The following SPOCK1 variants were observed in gnomAD, a reference collection of about 807,000 sequenced individuals.
SPOCK1 encodes the protein testican-1.
SPOCK1 carries 23 observed loss-of-function variants against 55.3 expected under a neutral mutation model. The observed-to-expected ratio is 0.42, with a 90% confidence interval of 0.30 to 0.59. The LOEUF (loss-of-function observed/expected upper bound fraction) is 0.59, where lower values mean the gene tolerates loss of function less well. Among genes scored for constraint, SPOCK1 ranks in the 20% least tolerant of loss-of-function variants. The pLI, the probability that SPOCK1 is intolerant of heterozygous loss-of-function variation, is 0.22. For missense variants in SPOCK1, 499 were observed against 552.5 expected (o/e 0.90, Z 0.97); for synonymous variants, 226 against 221.0 (o/e 1.02, Z -0.20).
At chr5:137,148,283 G>GCAAGA (rs1439462376) in intron 3 of SPOCK1, among the ~76,000 whole-genome samples, 1 of 152,188 alleles carries the variant, frequency 6.6e-6, no homozygotes, top group Non-Finnish European at 1.5e-5. Context: ...CACATGCAAA[G>GCAAGA]CAAGACATTA....
At chr5:137,416,204 C>G (rs1328088554) in intron 2 of SPOCK1, among the ~76,000 whole-genome samples, 2 of 151,452 alleles carry the variant, frequency 1.3e-5, no homozygotes, top group African/African-American at 4.9e-5. Context: ...AATTCTATAC[C>G]AAGCAAAAAT....
chr5:137,036,038 G>T (rs1751878531), intron 6 of SPOCK1, among the ~76,000 whole-genome samples: 1 of 152,198 alleles, frequency 6.6e-6, no homozygotes, highest in Admixed American at 6.5e-5. Context: ...CAGAACAACT[G>T]CAGGGGAGGC....
intron 3 of SPOCK1, among the ~76,000 whole-genome samples, chr5:137,250,033 C>T (rs1756477839): frequency 6.6e-6 from 1 of 152,158 alleles, no homozygotes; most frequent in Non-Finnish European, 1.5e-5. Context: ...TGGCCTGCCA[C>T]CTGTTTTATA....
At chr5:137,454,704 G>A (rs1753326956) in intron 2 of SPOCK1, among the ~76,000 whole-genome samples, 1 of 152,222 alleles carries the variant, frequency 6.6e-6, no homozygotes, top group East Asian at 1.9e-4. Flanking sequence ...TTGGCATGAT[G>A]AGAATGTTTT....
intron 6 of SPOCK1, among the ~76,000 whole-genome samples, chr5:137,010,914 C>T (rs570598488): frequency 3.3e-5 from 5 of 152,214 alleles, no homozygotes; most frequent in East Asian, 3.9e-4. Flanking sequence ...CATGTTTCTT[C>T]GCATATTGTA....
At chr5:137,420,208 T>C (rs1224785036) in intron 2 of SPOCK1, among the ~76,000 whole-genome samples, 2 of 152,268 alleles carry the variant, frequency 1.3e-5, no homozygotes, top group Non-Finnish European at 2.9e-5. Flanking sequence ...CAGTATTTTA[T>C]TGAGAATTTT....
chr5:137,099,090 C>T (rs1753211710), intron 5 of SPOCK1, among the ~76,000 whole-genome samples: 1 of 152,218 alleles, frequency 6.6e-6, no homozygotes, highest in African/African-American at 2.4e-5. Context: ...GGGGTGCCCA[C>T]ACCTTTTTTA....
intron 2 of SPOCK1, among the ~76,000 whole-genome samples, chr5:137,339,550 T>C (rs933941215): frequency 2.0e-5 from 3 of 152,196 alleles, no homozygotes; most frequent in African/African-American, 7.2e-5. Flanking sequence ...ATGGCATTTA[T>C]GAGCCTCCGC....
At chr5:137,069,704 G>A (rs1057387684) in intron 5 of SPOCK1, among the ~76,000 whole-genome samples, 29 of 152,168 alleles carry the variant, frequency 1.9e-4, no homozygotes, top group African/African-American at 5.1e-4. Context: ...TGCCATGACC[G>A]GGCTGCCTCC....
intron 5 of SPOCK1, among the ~76,000 whole-genome samples, chr5:137,086,299 T>C (rs1752958489): frequency 6.6e-6 from 1 of 152,124 alleles, no homozygotes; most frequent in East Asian, 1.9e-4. Flanking sequence ...AGGGCTTACC[T>C]TCCACGTTCC....
intron 2 of SPOCK1, chr5:137,364,869 G>A (rs1751023112): frequency 6.6e-6 from 1 of 152,186 alleles, no homozygotes; most frequent in African/African-American, 2.4e-5. Context: ...GTAAAATGGG[G>A]CTAATAATAG....
intron 2 of SPOCK1, among the ~76,000 whole-genome samples, chr5:137,445,064 G>C (rs1753094232): frequency 6.6e-6 from 1 of 152,212 alleles, no homozygotes; most frequent in African/African-American, 2.4e-5. Context: ...AAATGGTGGA[G>C]AACGAGGCAG....
At chr5:137,132,173 T>TAAAA (rs1753898653) in intron 4 of SPOCK1, among the ~76,000 whole-genome samples, 2 of 34,996 alleles carry the variant, frequency 5.7e-5, no homozygotes, top group Non-Finnish European at 5.3e-5. Context: ...AGACTCTGTC[T>TAAAA]CAAAAAAAAA....
chr5:137,466,048 G>T (rs1378241154), intron 2 of SPOCK1, among the ~76,000 whole-genome samples: 1 of 152,142 alleles, frequency 6.6e-6, no homozygotes, highest in African/African-American at 2.4e-5. Flanking sequence ...CTTTATTACT[G>T]GTTTAAATAT....
chr5:137,038,979 G>A (rs1404370684), intron 6 of SPOCK1, among the ~76,000 whole-genome samples: 1 of 152,092 alleles, frequency 6.6e-6, no homozygotes, highest in Non-Finnish European at 1.5e-5. Flanking sequence ...GACAGAGGGT[G>A]GAAAGAATGT....
intron 2 of SPOCK1, among the ~76,000 whole-genome samples, chr5:137,451,431 G>A (rs1337602533): frequency 1.3e-5 from 2 of 152,266 alleles, no homozygotes; most frequent in East Asian, 1.9e-4. Context: ...CAATTTTGCA[G>A]GACACCTGTC....
In SPOCK1 at chr5:137,059,637, G is replaced by C. The variant is rs899042480; in HGVS notation, c.589+8078C>G. On this transcript the variant is annotated intron_variant, in intron 6 of 10. Transcript: ENST00000394945. ...ACTAAAGAGCTTCTGCATAGCAAAA[G>C]AGAGTAAATAGACATCAACAGAGTA... Among the ~76,000 whole-genome samples, 31 of 152,170 alleles carry C rather than the reference G, an allele frequency of 2.0e-4. 1 individual carries two copies. Among genetic ancestry groups the C allele is most frequent in the African/African-American group, 7.5e-4 (31 of 41,458 alleles).
chr5:137,432,116 G>A (rs1752760251), intron 2 of SPOCK1, among the ~76,000 whole-genome samples: 1 of 152,218 alleles, frequency 6.6e-6, no homozygotes, highest in African/African-American at 2.4e-5. Context: ...AATAACAAGT[G>A]TTGGTATGAG....
intron 2 of SPOCK1, among the ~76,000 whole-genome samples, chr5:137,436,375 T>A (rs1752865316): frequency 6.6e-6 from 1 of 152,178 alleles, no homozygotes; most frequent in African/African-American, 2.4e-5. Context: ...TAACTTAGAA[T>A]ATATTAAATA....
Sources: gnomAD v4.1 joint callset for allele counts (sites outside exome capture counted in the v4.1 genomes callset) on GRCh38, gnomAD v4.1.1 for gene constraint, MANE v1.5 for transcripts, NCBI Gene and HGNC (gene_info 2026-07-23, HGNC 2026-07-21) for gene names.